The following BASP1 variants were observed in gnomAD, a reference collection of about 807,000 sequenced individuals.
The protein encoded by BASP1 is brain acid soluble protein 1.
Under a neutral mutation model 2.2 loss-of-function variants are expected in BASP1, and 1 was observed. The observed-to-expected ratio is 0.46, with a 90% CI of 0.16 to 2.17. The LOEUF (loss-of-function observed/expected upper bound fraction) is 2.17. Ranked by LOEUF, BASP1 falls within the 30% of genes most tolerant of loss-of-function variation. BASP1 has a pLI of 0.27. For synonymous variants in BASP1, 187 were observed against 154.2 expected, an observed-to-expected ratio of 1.21 and a Z score of -1.58; for missense variants, 352 against 327.2, an observed-to-expected ratio of 1.08 and a Z score of -0.58.
upstream of BASP1, chr5:17,217,053 G>GGAGAGAGAGAGAGAGTGTGTGAGA (rs1739251498): frequency 9.6e-6 from 1 of 104,222 alleles, no homozygotes; most frequent in South Asian, 3.4e-4. Context: ...TAAATGAGGG[G>GGAGAGAGAGAGAGAGTGTGTGAGA]GAGAGAGAGA....
chr5:17,221,464 C>A (rs907997573), intron 1 of BASP1, among the ~76,000 whole-genome samples: 2 of 149,214 alleles, frequency 1.3e-5, no homozygotes, highest in Non-Finnish European at 3.0e-5. Context: ...GAAAGAAATG[C>A]GTTGATTTGT....
chr5:17,244,535 G>A (rs1449725180), intron 1 of BASP1, among the ~76,000 whole-genome samples: 4 of 152,120 alleles, frequency 2.6e-5, no homozygotes, highest in African/African-American at 9.7e-5. Flanking sequence ...GGGTGAGGGA[G>A]CTCGTGACAG....
intron 1 of BASP1, among the ~76,000 whole-genome samples, chr5:17,268,704 G>C (rs561654743): frequency 6.6e-6 from 1 of 152,102 alleles, no homozygotes; most frequent in Non-Finnish European, 1.5e-5. Flanking sequence ...ACAAGCAATT[G>C]GAAAACTCGG....
rs1740665830 is a variant in BASP1, at chr5:17,276,540, C to T, written c.*640C>T. ...TTTTTGGGAGTGACAAACATTCTCTCATCCTACTTAGCCTACCTAGATTTC... is the reference window on the plus strand; with the variant it reads ...TTTTTGGGAGTGACAAACATTCTCTTATCCTACTTAGCCTACCTAGATTTC... On this transcript the variant is annotated 3_prime_UTR_variant, in exon 2 of 2. Coordinates refer to ENST00000322611, the MANE Select transcript of BASP1 (RefSeq NM_006317.5). The T allele has an allele frequency of 6.1e-6, 1 of 165,076 alleles. No individual in the cohort carries two copies. Among genetic ancestry groups the T allele is most frequent in the African/African-American group, 2.5e-5 (1 of 40,720 alleles). 10.2% of individuals were successfully genotyped at this position (165,076 alleles called of 1,614,324 possible). A position where few individuals can be genotyped will look rare whatever the true frequency, so the allele number is the denominator to read the frequency against.
At chr5:17,230,155 A>G (rs531811788) in intron 1 of BASP1, among the ~76,000 whole-genome samples, 33 of 152,334 alleles carry the variant, frequency 2.2e-4, no homozygotes, top group African/African-American at 7.9e-4. Flanking sequence ...TGTTCTAGAC[A>G]GAAGAGTTGA....
chr5:17,224,116 G>T (rs1458747172), intron 1 of BASP1, among the ~76,000 whole-genome samples: 3 of 152,182 alleles, frequency 2.0e-5, no homozygotes, highest in African/African-American at 7.2e-5. Context: ...TTCTGGAACT[G>T]GTCTTAACAT....
chr5:17,218,756 CT>C (rs1420977970), intron 1 of BASP1, among the ~76,000 whole-genome samples: 1 of 151,442 alleles, frequency 6.6e-6, no homozygotes, highest in Non-Finnish European at 1.5e-5. Context: ...CCCGTCCCCC[CT>C]CCATTTCCAG....
chr5:17,231,533 T>A (rs1343564400), intron 1 of BASP1, among the ~76,000 whole-genome samples: 4 of 152,110 alleles, frequency 2.6e-5, no homozygotes, highest in Non-Finnish European at 5.9e-5. Context: ...TCCTACACAC[T>A]CTCTCACCCA....
At chr5:17,242,490 C>G (rs1739883689) in intron 1 of BASP1, among the ~76,000 whole-genome samples, 1 of 151,942 alleles carries the variant, frequency 6.6e-6, no homozygotes, top group Non-Finnish European at 1.5e-5. Flanking sequence ...TGCATTGACA[C>G]ATCATTGTCA....
rs1181874570 is a variant in BASP1 at position 17,275,861 on chromosome 5, G to A, written c.645G>A (p.Pro215=). ...SAEEPKPVEA[P]AANSDQTVTV... is the part of the protein sequence containing the mutation. ...AAGAGCCCAAGCCGGTGGAGGCCCC[G>A]GCAGCTAATTCCGACCAAACCGTAA... Residue 215 remains proline (P), a synonymous_variant, in exon 2 of 2, where the codon CCG becomes CCA. Transcript: ENST00000322611. The surrounding 1 kb of genome is among the most constrained non-coding windows in gnomAD (Gnocchi z 5.3). 4 of 1,602,576 alleles carry A rather than the reference G, an allele frequency of 2.5e-6. No individual in the cohort carries two copies. The highest frequency in any genetic ancestry group is 1.7e-4 in the Middle Eastern group (1 of 6,006).
chr5:17,248,267 C>T (rs918233642), intron 1 of BASP1, among the ~76,000 whole-genome samples: 16 of 152,160 alleles, frequency 1.1e-4, no homozygotes, highest in Middle Eastern at 3.2e-3. Flanking sequence ...TACCAAATGT[C>T]CGTTATCTGG....
intron 1 of BASP1, among the ~76,000 whole-genome samples, chr5:17,266,814 CAAAAA>C (rs70943882): frequency 9.0e-6 from 1 of 111,486 alleles, no homozygotes; most frequent in Admixed American, 9.0e-5. Flanking sequence ...GATCCTGTCT[CAAAAA>C]AAAAAAAAAA....
chr5:17,267,351 C>G (rs1419059304), intron 1 of BASP1, among the ~76,000 whole-genome samples: 1 of 152,160 alleles, frequency 6.6e-6, no homozygotes, highest in Non-Finnish European at 1.5e-5. Context: ...AGTTATGACG[C>G]TATTTGAGAT....
chr5:17,269,718 CAT>C (rs1393557131), intron 1 of BASP1, among the ~76,000 whole-genome samples: 1 of 152,204 alleles, frequency 6.6e-6, no homozygotes, highest in Non-Finnish European at 1.5e-5. Context: ...AGCTATTTGA[CAT>C]ATGATAAACA....
chr5:17,263,696 A>G (rs16869671), intron 1 of BASP1, among the ~76,000 whole-genome samples: 6,958 of 152,306 alleles, frequency 0.046, 516 homozygotes, highest in African/African-American at 0.16. Flanking sequence ...GGTTGTAGAA[A>G]TGTGAGTGTG....
rs564107020 is a variant in BASP1 at position 17,218,941 on chromosome 5, ACT to A, written c.-10+1134_-10+1135del. Among the ~76,000 whole-genome samples the A allele has an allele frequency of 7.9e-5, 12 of 151,554 alleles. No individual in the cohort carries two copies. The South Asian group carries it at 2.3e-3, about 29-fold the overall frequency. ...GACAGCCCTTGCCCATGTAATTCTCACTCTGCTGAAATTAGCACAGCACACAT... is the reference window on the plus strand; with the variant it reads ...GACAGCCCTTGCCCATGTAATTCTCACTGCTGAAATTAGCACAGCACACAT... On this transcript the variant is annotated intron_variant, in intron 1 of 1. Transcript: ENST00000322611.
intron 1 of BASP1, among the ~76,000 whole-genome samples, chr5:17,238,956 C>T (rs298542): frequency 0.23 from 35,339 of 152,158 alleles, 4,572 homozygotes; most frequent in East Asian, 0.38. Context: ...ACAGTTGGTT[C>T]AGTGCTTGCT....
intron 1 of BASP1, among the ~76,000 whole-genome samples, chr5:17,220,453 T>G (rs1739374609): frequency 1.3e-5 from 2 of 152,192 alleles, no homozygotes; most frequent in Admixed American, 1.3e-4. Context: ...GGTTTTTGAG[T>G]GAGATAATAT....
chr5:17,245,232 A>G (rs1739953119), intron 1 of BASP1, among the ~76,000 whole-genome samples: 2 of 149,374 alleles, frequency 1.3e-5, no homozygotes, highest in South Asian at 4.2e-4. Context: ...CAGCTGGGAG[A>G]TGGAGGTTGC....
Sources: gnomAD v4.1 joint callset for allele counts (sites outside exome capture counted in the v4.1 genomes callset) on GRCh38, gnomAD v4.1.1 for gene constraint, Gnocchi (gnomAD v3.1) non-coding constraint, MANE v1.5 for transcripts, NCBI Gene and HGNC (gene_info 2026-07-23, HGNC 2026-07-21) for gene names.